TCERG1L: variants seen among roughly 807,000 people sequenced by gnomAD.
The protein encoded by TCERG1L is transcription elongation regulator 1 like, also known as transcription elongation regulator 1-like protein.
In TCERG1L, 37 loss-of-function variants were observed where a neutral mutation model predicts 56.3. The observed-to-expected ratio is 0.66, with a 90% CI of 0.51 to 0.87. TCERG1L has a LOEUF of 0.87. Among genes scored for constraint, TCERG1L ranks in the 40% least tolerant of loss-of-function variants. The pLI, the probability that TCERG1L is intolerant of heterozygous loss-of-function variation, is 0.00. For missense variants in TCERG1L, 799 were observed against 774.2 expected (o/e 1.03, Z -0.38); for synonymous variants, 324 against 326.3 (o/e 0.99, Z 0.08).
At chr10:131,279,540 C>G (rs1380348647) in intron 3 of TCERG1L, among the ~76,000 whole-genome samples, 1 of 152,154 alleles carries the variant, frequency 6.6e-6, no homozygotes, top group Non-Finnish European at 1.5e-5. Context: ...ACCCTGGAAA[C>G]AGTGACATCT....
chr10:131,166,687 C>A (rs564103506), intron 5 of TCERG1L, 110 bp downstream of exon 5: 4 of 1,068,402 alleles, frequency 3.7e-6, no homozygotes, highest in Non-Finnish European at 5.5e-6. Context: ...CAGCAGATGG[C>A]AGTCATTTCA....
chr10:131,173,186 C>T (rs922339133), intron 4 of TCERG1L, among the ~76,000 whole-genome samples: 1 of 152,108 alleles, frequency 6.6e-6, no homozygotes, highest in Admixed American at 6.5e-5. Flanking sequence ...CCACCCCACC[C>T]GGCCTGAATG....
In TCERG1L at chr10:131,273,190, C is replaced by T. The variant is rs528734951; in HGVS notation, c.671-12746G>A. ...CTGCCCCATGGCAATGGGTCCTGGA[C>T]TCCCAGGGGCTGCCCGTGTAGACAG... is the stretch of plus-strand genomic sequence containing the variant. On this transcript the variant is annotated intron_variant, in intron 3 of 11. Coordinates refer to ENST00000368642, the MANE Select transcript of TCERG1L (RefSeq NM_174937.4). Among the ~76,000 whole-genome samples the T allele has an allele frequency of 8.5e-5, 13 of 152,286 alleles. No individual in the cohort carries two copies. In the East Asian group the frequency reaches 2.1e-3, roughly 25 times the overall value.
intron 4 of TCERG1L, among the ~76,000 whole-genome samples, chr10:131,211,952 C>T (rs1386879836): frequency 2.0e-5 from 3 of 152,214 alleles, no homozygotes; most frequent in Non-Finnish European, 4.4e-5. Flanking sequence ...ACTGAGTAGA[C>T]ACATGACCAT....
At chr10:131,173,948 G>A (rs1272151437) in intron 4 of TCERG1L, among the ~76,000 whole-genome samples, 1 of 152,198 alleles carries the variant, frequency 6.6e-6, no homozygotes, top group South Asian at 2.1e-4. Context: ...GCTCAGGACT[G>A]GGAAGGAGGG....
intron 3 of TCERG1L, among the ~76,000 whole-genome samples, chr10:131,275,931 A>C (rs1846387528): frequency 6.6e-6 from 1 of 152,148 alleles, no homozygotes; most frequent in Non-Finnish European, 1.5e-5. Context: ...GTTGGCTCAG[A>C]AGATCCCTTT....
At chr10:131,270,583 A>G (rs907540760) in intron 3 of TCERG1L, among the ~76,000 whole-genome samples, 1 of 152,212 alleles carries the variant, frequency 6.6e-6, no homozygotes, top group Non-Finnish European at 1.5e-5. Flanking sequence ...CGGAGCCAAC[A>G]TCTCCAGAAA....
In TCERG1L at chr10:131,203,611, C is replaced by T. The variant is rs530687654; in HGVS notation, c.857-36726G>A. On this transcript the variant is annotated intron_variant, in intron 4 of 11. Coordinates refer to ENST00000368642, the MANE Select transcript of TCERG1L (RefSeq NM_174937.4). ...TCCCATGAGGATGAATGTGGGTCAC[C>T]GCAAACGATTCAGGGACACATCTGC... is the stretch of plus-strand genomic sequence containing the variant. Among the ~76,000 whole-genome samples the T allele has an allele frequency of 1.9e-3, 291 of 152,314 alleles. 2 individuals carry two copies. Among genetic ancestry groups the T allele is most frequent in the African/African-American group, 6.8e-3 (282 of 41,568 alleles).
rs1846899930 is a variant in TCERG1L at position 131,311,538 on chromosome 10, G to A, written c.98C>T (p.Pro33Leu). ...CCAGACCCAGGGCGGCGGCGGCGGC[G>A]GCTCTGCGTCCATCGGCCAGAGGAG... is the stretch of plus-strand genomic sequence containing the variant. ...QPLLWPMDAE[P>L]PPPPPWVWMV... Residue 33 changes from proline (P) to leucine (L), a missense_variant, in exon 1 of 12, where the codon CCG becomes CTG. Coordinates refer to ENST00000368642, the MANE Select transcript of TCERG1L (RefSeq NM_174937.4). The surrounding 1 kb of genome is among the most constrained non-coding windows in gnomAD (Gnocchi z 4.0). 2.5e-6 allele frequency: 3 copies of A among 1,193,182 alleles called. No homozygotes were observed. The highest frequency in any genetic ancestry group is 3.3e-5 in the South Asian group (1 of 30,766). 73.9% of individuals were successfully genotyped at this position (1,193,182 alleles called of 1,614,324 possible). A position where few individuals can be genotyped will look rare whatever the true frequency, so the allele number is the denominator to read the frequency against.
chr10:131,291,401 C>CTTTTTTTTTTTTTTTTTTTTTTTTTT lies in TCERG1L; in HGVS notation c.670+16784_670+16809dup, dbSNP rs71009957. 1.9e-4 allele frequency among the ~76,000 whole-genome samples: 7 copies of CTTTTTTTTTTTTTTTTTTTTTTTTTT among 36,566 alleles called. 3 individuals are homozygous for CTTTTTTTTTTTTTTTTTTTTTTTTTT. The highest frequency in any genetic ancestry group is 2.2e-3 in the East Asian group (2 of 908). The allele number at this position is 36,566 out of a possible 152,430, so 24.0% of individuals were successfully genotyped here. On this transcript the variant is annotated intron_variant, in intron 3 of 11. Coordinates refer to ENST00000368642, the MANE Select transcript of TCERG1L (RefSeq NM_174937.4). ...TGTGTATATTCCATAAACAGCATTT[C>CTTTTTTTTTTTTTTTTTTTTTTTTTT]TTTTTTTTTTTTTTTTTTTTTTTTT...
At chr10:131,116,414 C>T (rs1041572824) in intron 9 of TCERG1L, among the ~76,000 whole-genome samples, 9 of 152,144 alleles carry the variant, frequency 5.9e-5, no homozygotes, top group Non-Finnish European at 1.3e-4. Context: ...CCACCCAGGA[C>T]CCGGCCTCCC....
In TCERG1L at chr10:131,175,337, C is replaced by T. The variant is rs72847798; in HGVS notation, c.857-8452G>A. Among the ~76,000 whole-genome samples, 855 of 152,352 alleles carry T rather than the reference C, an allele frequency of 5.6e-3. 8 individuals carry two copies. Among genetic ancestry groups the T allele is most frequent in the Non-Finnish European group, 7.1e-3 (483 of 68,042 alleles). ...AGTGCCTGCCTCACCCGGTGCGGCACGCTTGCACGGAGGCATGCCTGCAGG... is the reference window on the plus strand; with the variant it reads ...AGTGCCTGCCTCACCCGGTGCGGCATGCTTGCACGGAGGCATGCCTGCAGG... On this transcript the variant is annotated intron_variant, in intron 4 of 11. Transcript: ENST00000368642.
intron 4 of TCERG1L, among the ~76,000 whole-genome samples, chr10:131,253,756 G>A (rs1347740546): frequency 5.3e-5 from 8 of 152,116 alleles, no homozygotes; most frequent in African/African-American, 1.9e-4. Context: ...CCTAACCACA[G>A]TGCACAGGTG....
chr10:131,177,313 G>C (rs965862696), intron 4 of TCERG1L, among the ~76,000 whole-genome samples: 1 of 152,208 alleles, frequency 6.6e-6, no homozygotes, highest in Non-Finnish European at 1.5e-5. Flanking sequence ...ATGGCTTTTC[G>C]GCCACCTGTC....
chr10:131,128,719 G>C (rs1031296414), intron 8 of TCERG1L, among the ~76,000 whole-genome samples: 6 of 152,208 alleles, frequency 3.9e-5, no homozygotes, highest in Admixed American at 3.9e-4. Flanking sequence ...AGGCAAGCTA[G>C]TAAATGTGAA....
chr10:131,261,376 C>A (rs918579919), intron 3 of TCERG1L, among the ~76,000 whole-genome samples: 4 of 152,208 alleles, frequency 2.6e-5, no homozygotes, highest in African/African-American at 7.2e-5. Context: ...TACTCTTGAT[C>A]TGGCACGTCC....
chr10:131,145,753 G>A (rs1845788361), intron 7 of TCERG1L, among the ~76,000 whole-genome samples: 1 of 152,194 alleles, frequency 6.6e-6, no homozygotes, highest in African/African-American at 2.4e-5. Context: ...TCACTGGCCT[G>A]GCCTTGTAGC....
intron 4 of TCERG1L, among the ~76,000 whole-genome samples, chr10:131,199,191 G>A (rs61861198): frequency 0.11 from 17,466 of 152,120 alleles, 1,140 homozygotes; most frequent in Middle Eastern, 0.19. Flanking sequence ...TCTGGCCGTG[G>A]CCTATCTGTA....
chr10:131,222,007 C>A (rs567547297), intron 4 of TCERG1L, among the ~76,000 whole-genome samples: 2 of 152,332 alleles, frequency 1.3e-5, no homozygotes, highest in South Asian at 4.1e-4. Context: ...TCCTATTCCT[C>A]CAGGGAGCAT....
Sources: gnomAD v4.1 joint callset for allele counts (sites outside exome capture counted in the v4.1 genomes callset) on GRCh38, gnomAD v4.1.1 for gene constraint, Gnocchi (gnomAD v3.1) non-coding constraint, MANE v1.5 for transcripts, NCBI Gene and HGNC (gene_info 2026-07-23, HGNC 2026-07-21) for gene names.